The following HDAC9 variants were observed in gnomAD, a reference collection of about 807,000 sequenced individuals.
HDAC9 encodes the protein MEF-2 interacting transcription repressor (MITR) protein.
HDAC9 carries 41 observed loss-of-function variants against 139.4 expected under a neutral mutation model. The ratio of observed to expected loss-of-function variants is 0.29; its 90% confidence interval spans 0.23 to 0.38. HDAC9 has a LOEUF of 0.38. HDAC9 is among the 10% of genes least tolerant of loss of function. HDAC9 has a pLI of 1.00. For missense variants in HDAC9, 1,147 were observed against 1,297.0 expected (o/e 0.88, Z 1.78); for synonymous variants, 517 against 476.2 (o/e 1.09, Z -1.12).
At chr7:18,545,115 T>C (rs1814343448) in intron 2 of HDAC9, among the ~76,000 whole-genome samples, 1 of 152,174 alleles carries the variant, frequency 6.6e-6, no homozygotes, top group Non-Finnish European at 1.5e-5. Flanking sequence ...AATCCTGCAC[T>C]AAACGTATGG....
chr7:18,167,502 C>T (rs1788089473), intron 2 of HDAC9, among the ~76,000 whole-genome samples: 1 of 152,104 alleles, frequency 6.6e-6, no homozygotes, highest in African/African-American at 2.4e-5. Context: ...CTCCATAATG[C>T]AGGCCAAACA....
intron 17 of HDAC9, among the ~76,000 whole-genome samples, chr7:18,816,346 G>A (rs75731184): frequency 0.016 from 2,414 of 152,262 alleles, 57 homozygotes; most frequent in African/African-American, 0.056. Flanking sequence ...TTTCATCACA[G>A]AGATTAGTGT....
rs17139180 is a variant in HDAC9 at position 18,402,111 on chromosome 7, A to G, written c.-41-94151A>G. Among the ~76,000 whole-genome samples, 913 of 152,292 alleles carry G rather than the reference A, an allele frequency of 6.0e-3. 35 individuals are homozygous for G. The East Asian group carries it at 0.1, about 17-fold the overall frequency. On this transcript the variant is annotated intron_variant, in intron 1 of 3. Transcript: ENST00000413509. ...TAATATTTGTTAGGCACTGATCTTG[A>G]GTTAAACACCATGGTTGACTTGGAG...
chr7:18,332,129 A>C (rs573713292), intron 1 of HDAC9, among the ~76,000 whole-genome samples: 1 of 151,864 alleles, frequency 6.6e-6, no homozygotes, highest in South Asian at 2.1e-4. Flanking sequence ...TCTTTCTAAC[A>C]GAGTGAGTAA....
chr7:18,312,928 T>C (rs1221702758), intron 1 of HDAC9, among the ~76,000 whole-genome samples: 1 of 152,166 alleles, frequency 6.6e-6, no homozygotes, highest in Non-Finnish European at 1.5e-5. Flanking sequence ...AGAAATATTT[T>C]TGTTTCTCTG....
chr7:18,108,064 G>A (rs80081637), intron 1 of HDAC9, among the ~76,000 whole-genome samples: 74 of 152,162 alleles, frequency 4.9e-4, no homozygotes, highest in East Asian at 2.7e-3. Flanking sequence ...TAATTCTTTC[G>A]GGGGACCTGT....
intron 17 of HDAC9, among the ~76,000 whole-genome samples, chr7:18,824,075 G>C (rs1004243065): frequency 1.3e-5 from 2 of 151,120 alleles, no homozygotes; most frequent in East Asian, 2.0e-4. Flanking sequence ...AGAAGAAGAA[G>C]AAGAAGAAGA....
intron 12 of HDAC9, among the ~76,000 whole-genome samples, chr7:18,700,152 G>A (rs747781714): frequency 1.3e-5 from 2 of 152,108 alleles, no homozygotes; most frequent in African/African-American, 4.8e-5. Flanking sequence ...GAGAGGTAAC[G>A]ATTCTAAAGG....
At chr7:18,172,683 T>A (rs1047903910) in intron 2 of HDAC9, among the ~76,000 whole-genome samples, 8 of 152,230 alleles carry the variant, frequency 5.3e-5, no homozygotes, top group African/African-American at 1.7e-4. Context: ...AGAACATCTT[T>A]ATTTCTGCCT....
intron 2 of HDAC9, among the ~76,000 whole-genome samples, chr7:18,553,225 C>A (rs772576645): frequency 2.0e-5 from 3 of 151,956 alleles, no homozygotes; most frequent in African/African-American, 2.4e-5. Context: ...TCCTGTTTTA[C>A]GATAATTCTG....
intron 16 of HDAC9, among the ~76,000 whole-genome samples, chr7:18,777,270 C>T (rs1316243164): frequency 1.3e-5 from 2 of 152,132 alleles, no homozygotes; most frequent in South Asian, 4.1e-4. Flanking sequence ...AAATTATATA[C>T]AGTACTCCAA....
At chr7:18,699,044 C>A (rs1783262575) in intron 12 of HDAC9, among the ~76,000 whole-genome samples, 1 of 152,144 alleles carries the variant, frequency 6.6e-6, no homozygotes, top group African/African-American at 2.4e-5. Flanking sequence ...CTCTTCAGCA[C>A]CTCAAAAGCA....
chr7:18,606,928 A>G (rs1049467057), intron 6 of HDAC9, among the ~76,000 whole-genome samples: 7 of 152,140 alleles, frequency 4.6e-5, no homozygotes, highest in African/African-American at 1.7e-4. Context: ...AAATGTTGTA[A>G]TTGATTAATT....
At chr7:18,929,149 C>A (rs1486976248) in intron 22 of HDAC9, among the ~76,000 whole-genome samples, 1 of 152,000 alleles carries the variant, frequency 6.6e-6, no homozygotes, top group Non-Finnish European at 1.5e-5. Context: ...AAGGCTTAAT[C>A]TTTGAGCCTT....
Position 18,425,715 on chromosome 7 carries a change from T to A in HDAC9, c.-41-70547T>A, listed in dbSNP as rs573450814. 5.9e-5 allele frequency among the ~76,000 whole-genome samples: 9 copies of A among 152,298 alleles called. 1 individual carries two copies. The highest frequency in any genetic ancestry group is 1.3e-4 in the Non-Finnish European group (9 of 68,018). ...ATTGAAATACTCACTGTACATTACA[T>A]TTATAGAAAAGATTGAGAGGAAATT... On this transcript the variant is annotated intron_variant, in intron 1 of 3. Coordinates refer to the HDAC9 transcript ENST00000413509.
chr7:18,705,340 C>A (rs1407919216), intron 12 of HDAC9, among the ~76,000 whole-genome samples: 1 of 152,144 alleles, frequency 6.6e-6, no homozygotes, highest in Admixed American at 6.5e-5. Flanking sequence ...CTACCTCACA[C>A]CCATTGAGAT....
intron 2 of HDAC9, among the ~76,000 whole-genome samples, chr7:18,537,244 C>T (rs554524180): frequency 4.6e-5 from 7 of 152,292 alleles, no homozygotes; most frequent in African/African-American, 1.7e-4. Flanking sequence ...AGTTGAATCT[C>T]TCTGCCAGGA....
chr7:18,866,625 G>C (rs957031737), intron 21 of HDAC9, among the ~76,000 whole-genome samples: 1 of 152,134 alleles, frequency 6.6e-6, no homozygotes, highest in Admixed American at 6.6e-5. Flanking sequence ...CCATATGGCA[G>C]GGACTCAATA....
At chr7:18,882,194 AT>A (rs903524530) in intron 22 of HDAC9, among the ~76,000 whole-genome samples, 47 of 151,944 alleles carry the variant, frequency 3.1e-4, no homozygotes, top group African/African-American at 1.1e-3. Flanking sequence ...GGAGTTCATA[AT>A]TTTTTTTCTT....
Sources: gnomAD v4.1 joint callset for allele counts (sites outside exome capture counted in the v4.1 genomes callset) on GRCh38, gnomAD v4.1.1 for gene constraint, MANE v1.5 for transcripts, NCBI Gene and HGNC (gene_info 2026-07-23, HGNC 2026-07-21) for gene names.